The following PRKG1 variants were observed in gnomAD, a reference collection of about 807,000 sequenced individuals.
PRKG1 encodes cGMP-dependent protein kinase 1.
PRKG1 carries 35 observed loss-of-function variants against 88.1 expected under a neutral mutation model. The ratio of observed to expected loss-of-function variants is 0.40; its 90% confidence interval spans 0.30 to 0.53. The LOEUF is 0.53. Ranked by LOEUF, PRKG1 falls within the 20% of genes least tolerant of loss-of-function variation. The pLI, the probability that PRKG1 is intolerant of heterozygous loss-of-function variation, is 0.59. For missense variants in PRKG1, 540 were observed against 839.8 expected, an observed-to-expected ratio of 0.64 and a Z score of 4.41; for synonymous variants, 303 against 292.5, an observed-to-expected ratio of 1.04 and a Z score of -0.37.
At chr10:51,549,164 C>CCCAGGCTG (rs1842521238) in intron 3 of PRKG1, among the ~76,000 whole-genome samples, 1 of 102,612 alleles carries the variant, frequency 9.7e-6, no homozygotes, top group Non-Finnish European at 2.0e-5. Flanking sequence ...TGCTCTGTCA[C>CCCAGGCTG]CCAGGCTGGA....
intron 3 of PRKG1, among the ~76,000 whole-genome samples, chr10:51,666,414 T>C (rs1391877027): frequency 1.3e-5 from 2 of 152,180 alleles, no homozygotes; most frequent in Non-Finnish European, 2.9e-5. Context: ...TTTGTAAGAT[T>C]CTCTAGTGGT....
At chr10:51,184,952 A>T (rs1837447691) in intron 2 of PRKG1, among the ~76,000 whole-genome samples, 2 of 152,206 alleles carry the variant, frequency 1.3e-5, no homozygotes, top group Admixed American at 1.3e-4. Flanking sequence ...TTGATCTCTC[A>T]GTGTCCAGAG....
At chr10:52,081,534 A>G in intron 7 of PRKG1, 1 of 454,778 alleles carries the variant, frequency 2.2e-6, no homozygotes, top group African/African-American at 2.0e-5. Context: ...TCTATAACAT[A>G]TCTTAATTTG....
At chr10:51,517,114 T>C (rs1176651791) in intron 3 of PRKG1, among the ~76,000 whole-genome samples, 1 of 152,070 alleles carries the variant, frequency 6.6e-6, no homozygotes, top group Non-Finnish European at 1.5e-5. Flanking sequence ...GAGAAAAGCA[T>C]GCAAAAGAAT....
Position 51,749,997 on chromosome 10 carries a change from G to A in PRKG1, c.593-54588G>A, listed in dbSNP as rs376758640. Among the ~76,000 whole-genome samples the A allele has an allele frequency of 2.8e-4, 42 of 149,142 alleles. 1 individual carries two copies. The South Asian group carries it at 3.6e-3, about 13-fold the overall frequency. ...GTCGCCCAGGCTGGAGTGCAATGGC[G>A]TGATCTTGGCTCGCTGCAACCTCTG... On this transcript the variant is annotated intron_variant, in intron 3 of 17. Transcript: ENST00000373980.
intron 3 of PRKG1, among the ~76,000 whole-genome samples, chr10:51,671,156 T>C (rs1189278798): frequency 6.6e-6 from 1 of 151,542 alleles, no homozygotes; most frequent in African/African-American, 2.4e-5. Flanking sequence ...AGTAAGATCT[T>C]TCTTAAGTAA....
At chr10:51,346,845 T>C (rs1398513299) in intron 2 of PRKG1, among the ~76,000 whole-genome samples, 1 of 152,214 alleles carries the variant, frequency 6.6e-6, no homozygotes, top group Admixed American at 6.5e-5. Flanking sequence ...AATCTTCCTC[T>C]GTTTTATTTG....
chr10:51,547,313 AT>A (rs1453678196), intron 3 of PRKG1, among the ~76,000 whole-genome samples: 22 of 152,140 alleles, frequency 1.4e-4, no homozygotes, highest in Admixed American at 7.2e-4. Flanking sequence ...AGATTAAGTC[AT>A]TTATTTATTT....
chr10:51,372,739 T>C (rs543310216), intron 2 of PRKG1, among the ~76,000 whole-genome samples: 1 of 152,264 alleles, frequency 6.6e-6, no homozygotes, highest in South Asian at 2.1e-4. Flanking sequence ...AAATCACAAA[T>C]TGAGATATAA....
chr10:51,093,801 T>C (rs4451669), intron 1 of PRKG1, among the ~76,000 whole-genome samples: 55,664 of 127,050 alleles, frequency 0.44, 12,837 homozygotes, highest in South Asian at 0.58. Context: ...TATATATATA[T>C]ACACACACAC....
intron 5 of PRKG1, among the ~76,000 whole-genome samples, chr10:51,966,671 G>A (rs1416822962): frequency 6.6e-6 from 1 of 152,146 alleles, no homozygotes; most frequent in African/African-American, 2.4e-5. Flanking sequence ...AGCAAGCACA[G>A]GCTGAAATTC....
Position 51,074,560 on chromosome 10 carries a change from C to T in PRKG1, c.-31C>T, listed in dbSNP as rs41274080. On this transcript the variant is annotated 5_prime_UTR_variant, in exon 1 of 18. Transcript: ENST00000373980. ...GAAGCCTCAAGACGCGGAGCAGCGG[C>T]AGGAAGGAGCCCCCGGCAGCCCGGA... The T allele has an allele frequency of 2.8e-3, 4,454 of 1,591,294 alleles. 11 individuals carry two copies. The highest frequency in any genetic ancestry group is 2.9e-3 in the Non-Finnish European group (3,338 of 1,166,078).
chr10:51,817,977 G>C (rs916792432), intron 4 of PRKG1, among the ~76,000 whole-genome samples: 1 of 151,840 alleles, frequency 6.6e-6, no homozygotes, highest in Non-Finnish European at 1.5e-5. Flanking sequence ...ATTTAAACTG[G>C]TATATTCTGC....
At chr10:51,682,398 A>G (rs1158092616) in intron 3 of PRKG1, among the ~76,000 whole-genome samples, 1 of 152,172 alleles carries the variant, frequency 6.6e-6, no homozygotes, top group African/African-American at 2.4e-5. Flanking sequence ...TTCTCTGGTA[A>G]CAAATCTTCC....
intron 3 of PRKG1, among the ~76,000 whole-genome samples, chr10:51,661,652 A>G (rs1407408509): frequency 3.3e-5 from 5 of 152,208 alleles, no homozygotes; most frequent in Non-Finnish European, 5.9e-5. Flanking sequence ...TAGTTCAACC[A>G]TTGTGGAAGA....
At chr10:51,732,455 T>C (rs1837138072) in intron 3 of PRKG1, among the ~76,000 whole-genome samples, 1 of 152,088 alleles carries the variant, frequency 6.6e-6, no homozygotes, top group African/African-American at 2.4e-5. Flanking sequence ...ATCTAACGAT[T>C]AATAAAGGGG....
At position 52,288,670 on chromosome 10, in the gene PRKG1, T is replaced by A. The variant is rs563911181; in HGVS notation, c.1710-56T>A. On this transcript the variant is annotated intron_variant, in intron 14 of 17. Coordinates refer to ENST00000373980, the MANE Select transcript of PRKG1 (RefSeq NM_006258.4). ...TCTGTGGAGTTTATAGCAATTCAAG[T>A]GTTCTCATGTAGAAAATAAAAGTAA... The A allele has an allele frequency of 1.1e-4, 167 of 1,500,282 alleles. 2 individuals carry two copies. In the South Asian group the frequency reaches 2.1e-3, roughly 19 times the overall value. 92.9% of individuals were successfully genotyped at this position (1,500,282 alleles called of 1,614,324 possible). A position where few individuals can be genotyped will look rare whatever the true frequency, so the allele number is the denominator to read the frequency against.
intron 3 of PRKG1, among the ~76,000 whole-genome samples, chr10:51,560,403 T>C (rs10998114): frequency 0.15 from 22,629 of 152,172 alleles, 1,874 homozygotes; most frequent in African/African-American, 0.22. Flanking sequence ...TTACTTCTTT[T>C]AAAAATCTAT....
intron 1 of PRKG1, among the ~76,000 whole-genome samples, chr10:51,111,121 G>A (rs535279870): frequency 2.0e-5 from 3 of 152,074 alleles, no homozygotes; most frequent in Non-Finnish European, 4.4e-5. Context: ...TAGGACTGGA[G>A]AGGTTTGGAA....
Sources: gnomAD v4.1 joint callset for allele counts (sites outside exome capture counted in the v4.1 genomes callset) on GRCh38, gnomAD v4.1.1 for gene constraint, MANE v1.5 for transcripts, NCBI Gene and HGNC (gene_info 2026-07-23, HGNC 2026-07-21) for gene names.